The following GRAMD4 variants were observed in gnomAD, a reference collection of about 807,000 sequenced individuals.
GRAMD4 encodes GRAM domain containing 4.
GRAMD4 carries 25 observed loss-of-function variants against 83.9 expected under a neutral mutation model. The ratio of observed to expected loss-of-function variants is 0.30; its 90% CI spans 0.22 to 0.42. GRAMD4 has a LOEUF of 0.42. Among genes scored for constraint, GRAMD4 ranks in the 10% least tolerant of loss-of-function variants. GRAMD4 has a pLI of 1.00. For missense variants in GRAMD4, 593 were observed against 788.7 expected, an observed-to-expected ratio of 0.75 and a Z score of 2.97; for synonymous variants, 336 against 320.9, an observed-to-expected ratio of 1.05 and a Z score of -0.50.
rs2082440468 is a variant in GRAMD4, at chr22:46,668,227, G to T, written c.930+60G>T. 8 of 1,224,484 alleles carry T rather than the reference G, an allele frequency of 6.5e-6. No homozygotes were observed. The East Asian group carries it at 9.4e-5, about 14-fold the overall frequency. 75.9% of individuals were successfully genotyped at this position (1,224,484 alleles called of 1,614,324 possible). On this transcript the variant is annotated intron_variant, in intron 11 of 18. Transcript: ENST00000406902. The stretch of plus-strand genomic sequence containing the variant: ...CGCCAGCCATGGGCACCAGCCAGGG[G>T]TGTGTCTACGCCGGCCAGGGGTAGG...
chr22:46,602,212 T>A (rs887694510), intron 1 of GRAMD4, among the ~76,000 whole-genome samples: 1 of 152,208 alleles, frequency 6.6e-6, no homozygotes, highest in African/African-American at 2.4e-5. Context: ...ATCGTGCGTG[T>A]GAGAGACTAG....
chr22:46,674,993 G>T (rs904014466), intron 16 of GRAMD4, among the ~76,000 whole-genome samples: 2 of 152,242 alleles, frequency 1.3e-5, no homozygotes, highest in African/African-American at 4.8e-5. Context: ...CTTCTCTGGG[G>T]CCCAAGCAGT....
rs776613803 is a variant in GRAMD4 at position 46,664,099 on chromosome 22, G to A, written c.699G>A (p.Thr233=). The A allele has an allele frequency of 1.4e-5, 23 of 1,612,648 alleles. No individual in the cohort carries two copies. In the South Asian group the frequency reaches 2.0e-4, roughly 14 times the overall value. ...TATCCGACTGGTACTCCGTCTACAC[G>A]TCTGCCATTGCCTTCACCGTGAGTG... is the stretch of plus-strand genomic sequence containing the variant. ...SALSDWYSVY[T]SAIAFTVYMN... is the part of the protein sequence containing the mutation. The change falls in exon 8 of 19, where the codon ACG becomes ACA. Residue 233 remains threonine, a synonymous_variant. Coordinates refer to ENST00000406902, the MANE Select transcript of GRAMD4 (RefSeq NM_015124.5).
At position 46,679,109 on chromosome 22, in the gene GRAMD4, G is replaced by T. The variant is rs118128822; in HGVS notation, c.*1858G>T. On this transcript the variant is annotated 3_prime_UTR_variant, in exon 19 of 19. Coordinates refer to ENST00000406902, the MANE Select transcript of GRAMD4 (RefSeq NM_015124.5). ...CACTGACCCACCCCCAGGGGCGGCT[G>T]CAGAGGCAGTGCCCGCAGACAATGG... is the stretch of plus-strand genomic sequence containing the variant. The T allele has an allele frequency of 1.0e-6, 1 of 985,534 alleles. No individual in the cohort carries two copies. The highest frequency in any genetic ancestry group is 1.1e-4 in the East Asian group (1 of 8,822). 61.0% of individuals were successfully genotyped at this position (985,534 alleles called of 1,614,324 possible). A position where few individuals can be genotyped will look rare whatever the true frequency, so the allele number is the denominator to read the frequency against.
rs1216126113 is a variant in GRAMD4, at chr22:46,659,732, G to C, written c.404+1425G>C. ...GGGGGGCTCATGTGGGGGCTCATGT[G>C]GGGGCATCCAGCTGGTGTGGGGGAG... On this transcript the variant is annotated intron_variant, in intron 4 of 18. Transcript: ENST00000406902. The surrounding 1 kb of genome is among the most constrained non-coding windows in gnomAD (Gnocchi z 4.1). 1.3e-5 allele frequency among the ~76,000 whole-genome samples: 2 copies of C among 151,562 alleles called. No homozygotes were observed. Among genetic ancestry groups the C allele is most frequent in the Non-Finnish European group, 2.9e-5 (2 of 67,954 alleles).
chr22:46,664,131 C>G lies in GRAMD4; in HGVS notation c.717+14C>G. 1 of 1,583,128 alleles carries G rather than the reference C, an allele frequency of 6.3e-7. No individual in the cohort carries two copies. Among genetic ancestry groups the G allele is most frequent in the Non-Finnish European group, 8.7e-7 (1 of 1,152,428 alleles). ...ATTGCCTTCACCGTGAGTGGGTCCT[C>G]CAGGGGCCGAGCAGGGTGGGTGGGA... On this transcript the variant is annotated intron_variant, in intron 8 of 18. Coordinates refer to ENST00000406902, the MANE Select transcript of GRAMD4 (RefSeq NM_015124.5).
downstream of GRAMD4, among the ~76,000 whole-genome samples, chr22:46,680,805 CCCATCCATCCATCCAT>C (rs751195568): frequency 0.019 from 1,059 of 55,792 alleles, 42 homozygotes; most frequent in African/African-American, 0.097. Context: ...CATTCACCTA[CCCATCCATCCATCCAT>C]CCATCCATCC....
intron 3 of GRAMD4, among the ~76,000 whole-genome samples, chr22:46,650,386 G>A (rs189831952): frequency 7.0e-5 from 10 of 142,718 alleles, no homozygotes; most frequent in South Asian, 2.2e-4. Flanking sequence ...AGGGCTGGGC[G>A]TCGAGGCTGG....
chr22:46,623,978 C>T (rs939009063), intron 1 of GRAMD4, among the ~76,000 whole-genome samples: 1 of 151,918 alleles, frequency 6.6e-6, no homozygotes, highest in Non-Finnish European at 1.5e-5. Context: ...GATGGAGGTT[C>T]GCCATGTTGA....
In GRAMD4 at chr22:46,663,842, A is replaced by C; in HGVS notation, c.604A>C (p.Thr202Pro). Residue 202 changes from threonine to proline, a missense_variant, in exon 7 of 19, where the codon ACT becomes CCT. Thr to Pro is a conservative substitution (Grantham distance 38, BLOSUM62 -1). Around this residue, in one of 4 missense-constraint regions of GRAMD4, gnomAD observed 312 missense variants for 350.7 expected, o/e 0.89. Transcript: ENST00000406902. ...TEEPLSARRL[T>P]ENMRRLKRGA... ...ATCTCTCCCCTTCTCTCTTAGGTTA[A>C]CTGAAAATATGAGACGGCTCAGTGA... 2 of 1,613,360 alleles carry C rather than the reference A, an allele frequency of 1.2e-6. No homozygotes were observed. Among genetic ancestry groups the C allele is most frequent in the Non-Finnish European group, 1.7e-6 (2 of 1,179,924 alleles).
At chr22:46,644,703 T>TG (rs1569285227) in intron 3 of GRAMD4, among the ~76,000 whole-genome samples, 18 of 12,078 alleles carry the variant, frequency 1.5e-3, no homozygotes, top group Non-Finnish European at 2.9e-3. Context: ...CCCTGTTTTT[T>TG]TTTTTTTTTT....
At chr22:46,640,693 T>C (rs1261378555) in intron 3 of GRAMD4, among the ~76,000 whole-genome samples, 1 of 152,130 alleles carries the variant, frequency 6.6e-6, no homozygotes, top group African/African-American at 2.4e-5. Context: ...TATCCAGAAA[T>C]GGAGCAAAGA....
chr22:46,678,894 C>G lies in GRAMD4; in HGVS notation c.*1643C>G, dbSNP rs768014409. 1 of 985,878 alleles carries G rather than the reference C, an allele frequency of 1.0e-6. No homozygotes were observed. Among genetic ancestry groups the G allele is most frequent in the Non-Finnish European group, 1.2e-6 (1 of 829,980 alleles). The allele number at this position is 985,878 out of a possible 1,614,324, so 61.1% of individuals were successfully genotyped here. ...TCCTATCCCAGGCGGTGGAGCGGAG[C>G]CCCCGTGGCTCTGGACTGCGCGGAC... is the stretch of plus-strand genomic sequence containing the variant. On this transcript the variant is annotated 3_prime_UTR_variant, in exon 19 of 19. Coordinates refer to ENST00000406902, the MANE Select transcript of GRAMD4 (RefSeq NM_015124.5).
intron 1 of GRAMD4, among the ~76,000 whole-genome samples, chr22:46,624,446 C>T (rs1267584992): frequency 3.3e-5 from 5 of 150,238 alleles, no homozygotes; most frequent in East Asian, 2.0e-4. Context: ...CCTCTGCCTC[C>T]GTCTCCTGAG....
chr22:46,633,743 G>A (rs910547424), intron 2 of GRAMD4, among the ~76,000 whole-genome samples: 9 of 152,216 alleles, frequency 5.9e-5, no homozygotes, highest in Non-Finnish European at 1.3e-4. Flanking sequence ...ATCCATTGTG[G>A]GAAAGGCAAC....
rs569194023 is a variant in GRAMD4, at chr22:46,607,205, A to AGGGG, written c.-49-19541_-49-19538dup. Among the ~76,000 whole-genome samples, 845 of 108,942 alleles carry AGGGG rather than the reference A, an allele frequency of 7.8e-3. 7 individuals carry two copies. Among genetic ancestry groups the AGGGG allele is most frequent in the African/African-American group, 0.022 (748 of 34,774 alleles). 71.5% of individuals were successfully genotyped at this position (108,942 alleles called of 152,430 possible). Reference sequence around the variant, plus strand: ...CCACAGTTCCCTCGTGTCTTTAAAAAGGGGGGGGTCATACAGCATTAGGAG... The same window carrying AGGGG: ...CCACAGTTCCCTCGTGTCTTTAAAAAGGGGGGGGGGGGTCATACAGCATTAGGAG... On this transcript the variant is annotated intron_variant, in intron 1 of 1. Coordinates refer to the GRAMD4 transcript ENST00000431155.
intron 1 of GRAMD4, among the ~76,000 whole-genome samples, chr22:46,583,558 G>A (rs2081118264): frequency 2.0e-5 from 3 of 152,204 alleles, no homozygotes; most frequent in Non-Finnish European, 4.4e-5. Flanking sequence ...AACTCTGACA[G>A]TCTTAAGAAA....
rs769694868 is a variant in GRAMD4, at chr22:46,673,719, T to C, written c.1289T>C (p.Leu430Pro). Residue 430 changes from leucine to proline, a missense_variant, in exon 15 of 19, where the codon CTG (leucine) becomes CCG (proline). Leu to Pro is a moderately conservative substitution (Grantham distance 98). Coordinates refer to ENST00000406902, the MANE Select transcript of GRAMD4 (RefSeq NM_015124.5). ...TACGTACCCAGCGCACCGGCCGGCC[T>C]GGGTAAAGAGGAGGACGCCGGTCGC... is the stretch of plus-strand genomic sequence containing the variant. ...RSYVPSAPAGLGKEEDAGRFH... is the reference protein window; with the variant it reads ...RSYVPSAPAGPGKEEDAGRFH... 8.1e-6 allele frequency: 13 copies of C among 1,612,658 alleles called. No homozygotes were observed. Among genetic ancestry groups the C allele is most frequent in the Non-Finnish European group, 1.1e-5 (13 of 1,179,864 alleles).
At chr22:46,616,381 G>C (rs201731219), upstream of GRAMD4, among the ~76,000 whole-genome samples, 1,955 of 27,628 alleles carry the variant, frequency 0.071, 44 homozygotes, top group Admixed American at 0.11. Flanking sequence ...CCTGTGTGTA[G>C]GTTCCCCTGT....
Sources: gnomAD v4.1 joint callset for allele counts (sites outside exome capture counted in the v4.1 genomes callset) on GRCh38, gnomAD v4.1.1 for gene constraint, gnomAD v4.1.1 regional missense constraint, Gnocchi (gnomAD v3.1) non-coding constraint, MANE v1.5 for transcripts, NCBI Gene and HGNC (gene_info 2026-07-23, HGNC 2026-07-21) for gene names.